Variants in JMY observed in about 807,000 individuals in gnomAD.
JMY encodes junction mediating and regulatory protein, p53 cofactor.
In JMY, 46 loss-of-function variants were observed where a neutral mutation model predicts 103.3. The ratio of observed to expected loss-of-function variants is 0.45; its 90% CI spans 0.35 to 0.57. The LOEUF (loss-of-function observed/expected upper bound fraction) is 0.57. JMY is among the 20% of genes least tolerant of loss of function. The pLI, the probability that JMY is intolerant of heterozygous loss-of-function variation, is 0.00. For synonymous variants in JMY, 526 were observed against 489.3 expected, an observed-to-expected ratio of 1.07 and a Z score of -0.99; for missense variants, 1,238 against 1,255.2, an observed-to-expected ratio of 0.99 and a Z score of 0.21.
chr5:79,321,105 C>A (rs1270109402), intron 10 of JMY, among the ~76,000 whole-genome samples: 1 of 152,200 alleles, frequency 6.6e-6, no homozygotes, highest in African/African-American at 2.4e-5. Flanking sequence ...GTACTTTATT[C>A]ATGTTCCTGT....
chr5:79,325,714 T>TAAG lies in JMY; in HGVS notation c.*4116_*4118dup, dbSNP rs1287785374. ...AAAGTGCTCTTTAGTTAAAGCACAT[T>TAAG]AAGAAGGGTCACTGCTTAATTGCTT... is the stretch of plus-strand genomic sequence containing the variant. On this transcript the variant is annotated 3_prime_UTR_variant, in exon 11 of 11. Transcript: ENST00000396137. 1 of 152,174 alleles carries TAAG rather than the reference T, an allele frequency of 6.6e-6. No homozygotes were observed. The highest frequency in any genetic ancestry group is 1.9e-4 in the East Asian group (1 of 5,196). The allele number at this position is 152,174 out of a possible 1,614,324, so 9.4% of individuals were successfully genotyped here.
chr5:79,250,080 A>T (rs1248479262), intron 1 of JMY, among the ~76,000 whole-genome samples: 1 of 152,150 alleles, frequency 6.6e-6, no homozygotes, highest in African/African-American at 2.4e-5. Flanking sequence ...TGCTATTGTG[A>T]TACTTTCTCA....
chr5:79,285,058 AC>A (rs1746228697), intron 2 of JMY: 1 of 590,678 alleles, frequency 1.7e-6, no homozygotes, highest in Non-Finnish European at 3.0e-6. Flanking sequence ...ATCTTGATCA[AC>A]CATAAGCACT....
At chr5:79,271,788 C>T (rs1016549539) in intron 1 of JMY, among the ~76,000 whole-genome samples, 6 of 151,978 alleles carry the variant, frequency 3.9e-5, no homozygotes, top group Admixed American at 6.6e-5. Context: ...TTGTGTCTTC[C>T]TGATGAATTG....
intron 2 of JMY, among the ~76,000 whole-genome samples, chr5:79,286,512 G>A (rs112255475): frequency 0.023 from 3,427 of 152,004 alleles, 66 homozygotes; most frequent in Middle Eastern, 0.037. Context: ...GTGTGGTGGC[G>A]TGCTCGTGCA....
At chr5:79,295,303 T>C (rs919588086) in intron 4 of JMY, among the ~76,000 whole-genome samples, 2 of 152,224 alleles carry the variant, frequency 1.3e-5, no homozygotes, top group African/African-American at 2.4e-5. Flanking sequence ...AATAACCACA[T>C]GTGGCTTGTG....
Position 79,292,121 on chromosome 5 carries a change from A to C in JMY, c.1527+822A>C, listed in dbSNP as rs539052417. ...AAAATTGGAACTTGGCTTATCCGGGAAATTGTTCACACTTTATATTCAGAA... is the reference window on the plus strand; with the variant it reads ...AAAATTGGAACTTGGCTTATCCGGGCAATTGTTCACACTTTATATTCAGAA... On this transcript the variant is annotated intron_variant, in intron 4 of 10. Coordinates refer to ENST00000396137, the MANE Select transcript of JMY (RefSeq NM_152405.5). Among the ~76,000 whole-genome samples, 8 of 152,140 alleles carry C rather than the reference A, an allele frequency of 5.3e-5. 1 individual carries two copies. The South Asian group carries it at 1.7e-3, about 32-fold the overall frequency.
In JMY at chr5:79,248,219, G is replaced by A. The variant is rs141401882; in HGVS notation, c.1032+10537G>A. Among the ~76,000 whole-genome samples, 339 of 152,036 alleles carry A rather than the reference G, an allele frequency of 2.2e-3. 2 individuals carry two copies. The highest frequency in any genetic ancestry group is 7.8e-3 in the African/African-American group (323 of 41,500). ...TAACTTTTGTATTTTTAGTAGAGAC[G>A]GGATTTCACCAAGTTGGCCAGGCTG... On this transcript the variant is annotated intron_variant, in intron 1 of 10. Coordinates refer to ENST00000396137, the MANE Select transcript of JMY (RefSeq NM_152405.5).
chr5:79,268,104 G>A (rs551549799), intron 1 of JMY, among the ~76,000 whole-genome samples: 1 of 152,276 alleles, frequency 6.6e-6, no homozygotes, highest in African/African-American at 2.4e-5. Flanking sequence ...ATTAGTGGGT[G>A]TGGTGGTGCG....
intron 2 of JMY, among the ~76,000 whole-genome samples, chr5:79,289,591 T>A (rs1335929600): frequency 6.6e-6 from 1 of 152,216 alleles, no homozygotes; most frequent in African/African-American, 2.4e-5. Context: ...ATTCACCTGG[T>A]TCATTCCTGT....
chr5:79,297,382 C>G (rs1393310342), intron 4 of JMY, among the ~76,000 whole-genome samples: 1 of 152,098 alleles, frequency 6.6e-6, no homozygotes, highest in Non-Finnish European at 1.5e-5. Context: ...CTGCACTGCT[C>G]CATTATCTGG....
intron 1 of JMY, among the ~76,000 whole-genome samples, chr5:79,270,585 AAATATT>A (rs1745742919): frequency 1.1e-5 from 1 of 92,944 alleles, no homozygotes; most frequent in Non-Finnish European, 2.5e-5. Flanking sequence ...ATATTTACAT[AAATATT>A]TAAAATGTAT....
At chr5:79,298,680 A>G (rs1477461824) in intron 4 of JMY, among the ~76,000 whole-genome samples, 3 of 152,376 alleles carry the variant, frequency 2.0e-5, no homozygotes, top group African/African-American at 7.2e-5. Flanking sequence ...TAAAATATTC[A>G]TAAAACAAAG....
intron 1 of JMY, among the ~76,000 whole-genome samples, chr5:79,258,202 A>G (rs1202818075): frequency 6.6e-6 from 1 of 152,214 alleles, no homozygotes; most frequent in Non-Finnish European, 1.5e-5. Context: ...TCTGAAAATC[A>G]TTTTAAATAT....
rs369891387 is a variant in JMY at position 79,237,577 on chromosome 5, C to T, written c.927C>T (p.Leu309=). The change falls in exon 1 of 11, where the codon CTC becomes CTT. Residue 309 remains leucine, a synonymous_variant. Coordinates refer to ENST00000396137, the MANE Select transcript of JMY (RefSeq NM_152405.5). ...GCTGGAAGATCCTCTCCCAGGTGCT[C>T]TTCACCGAGACCGATGATCCCGAGG... is the stretch of plus-strand genomic sequence containing the variant. ...TCGWKILSQV[L]FTETDDPEEY... is the part of the protein sequence containing the mutation. 35 of 1,613,566 alleles carry T rather than the reference C, an allele frequency of 2.2e-5. No homozygotes were observed. In the African/African-American group the frequency reaches 3.9e-4, roughly 18 times the overall value.
chr5:79,318,174 CTTTTTTT>C (rs35595124), intron 10 of JMY, among the ~76,000 whole-genome samples: 2 of 146,084 alleles, frequency 1.4e-5, no homozygotes, highest in African/African-American at 5.0e-5. Flanking sequence ...GCTCTTTTTT[CTTTTTTT>C]TTTTTGTATT....
chr5:79,277,859 A>G (rs1745986271), intron 1 of JMY, 51 bp from the exon 2 acceptor site: 2 of 1,541,030 alleles, frequency 1.3e-6, no homozygotes, highest in Non-Finnish European at 1.8e-6. Context: ...GCAAGTATTT[A>G]TAGGTTATTA....
Position 79,312,461 on chromosome 5 carries a change from G to A in JMY, c.2027G>A (p.Arg676Lys), listed in dbSNP as rs1561314877. 6.3e-7 allele frequency: 1 copy of A among 1,582,492 alleles called. No individual in the cohort carries two copies. Among genetic ancestry groups the A allele is most frequent in the Non-Finnish European group, 8.6e-7 (1 of 1,167,632 alleles). Residue 676 changes from arginine to lysine, a missense_variant, in exon 8 of 11, where the codon AGA becomes AAA. Arg to Lys is a conservative substitution (Grantham distance 26). Transcript: ENST00000396137. ...AAAAGTGCCTGGGTTAGCCAAGAGA[G>A]ACAGAGAACACTGGATAGACTTCGA... ...ERKSAWVSQE[R>K]QRTLDRLRTF...
chr5:79,284,761 TG>T, intron 2 of JMY: 1 of 1,580,216 alleles, frequency 6.3e-7, no homozygotes, highest in East Asian at 2.2e-5. Context: ...TTTGGTTCCT[TG>T]GGTCCTGGTG....
Sources: allele counts gnomAD v4.1 joint callset (sites outside exome capture counted in the v4.1 genomes callset), GRCh38; gene constraint gnomAD v4.1.1; transcripts MANE v1.5; gene names NCBI Gene and HGNC (gene_info 2026-07-23, HGNC 2026-07-21).